The following PTPRD variants were observed in gnomAD, a reference collection of about 807,000 sequenced individuals.
PTPRD encodes receptor-type tyrosine-protein phosphatase delta.
PTPRD carries 34 observed loss-of-function variants against 214.5 expected under a neutral mutation model. The ratio of observed to expected loss-of-function variants is 0.16; its 90% CI spans 0.12 to 0.21. PTPRD has a LOEUF of 0.21. Among genes scored for constraint, PTPRD ranks in the 10% least tolerant of loss-of-function variants. PTPRD has a pLI of 1.00. For missense variants in PTPRD, 2,545 were observed against 2,398.7 expected (o/e 1.06, Z -1.27); for synonymous variants, 1,128 against 845.7 (o/e 1.33, Z -5.79).
At chr9:8,710,597 C>A (rs966542012) in intron 12 of PTPRD, among the ~76,000 whole-genome samples, 11 of 152,074 alleles carry the variant, frequency 7.2e-5, no homozygotes, top group African/African-American at 2.4e-4. Context: ...GTCTGGGTGA[C>A]AGAGTGAGAC....
At chr9:8,529,008 G>T (rs994607606) in intron 14 of PTPRD, among the ~76,000 whole-genome samples, 3 of 152,088 alleles carry the variant, frequency 2.0e-5, no homozygotes, top group Admixed American at 2.0e-4. Context: ...GGCCGACTAT[G>T]ATGAGGGGAT....
At chr9:9,117,444 G>C (rs1008782780) in intron 10 of PTPRD, among the ~76,000 whole-genome samples, 1 of 152,000 alleles carries the variant, frequency 6.6e-6, no homozygotes, top group African/African-American at 2.4e-5. Flanking sequence ...ACATGAAATG[G>C]TGATACCCCA....
At chr9:10,235,037 A>G (rs184177427) in intron 3 of PTPRD, among the ~76,000 whole-genome samples, 29 of 151,968 alleles carry the variant, frequency 1.9e-4, no homozygotes, top group Admixed American at 1.4e-3. Flanking sequence ...CTTAATCATT[A>G]CACAATATTA....
At chr9:9,865,588 A>G (rs555453272) in intron 5 of PTPRD, among the ~76,000 whole-genome samples, 2 of 152,292 alleles carry the variant, frequency 1.3e-5, no homozygotes, top group African/African-American at 4.8e-5. Flanking sequence ...CCTTTTCTTT[A>G]TAAGTCACCC....
intron 11 of PTPRD, among the ~76,000 whole-genome samples, chr9:8,740,901 A>C (rs1028206021): frequency 6.6e-6 from 1 of 152,200 alleles, no homozygotes; most frequent in Non-Finnish European, 1.5e-5. Flanking sequence ...ACTGAATTTT[A>C]AGAATACCCG....
chr9:8,388,832 T>G (rs2088248649), intron 37 of PTPRD, among the ~76,000 whole-genome samples: 1 of 152,176 alleles, frequency 6.6e-6, no homozygotes, highest in South Asian at 2.1e-4. Flanking sequence ...ATGCTGCAGA[T>G]TTTAAGAAAG....
At chr9:9,459,998 C>T (rs1487770154) in intron 8 of PTPRD, among the ~76,000 whole-genome samples, 3 of 151,976 alleles carry the variant, frequency 2.0e-5, no homozygotes, top group Non-Finnish European at 4.4e-5. Context: ...AAAATAGACA[C>T]ATCGATCAAC....
intron 4 of PTPRD, among the ~76,000 whole-genome samples, chr9:10,015,459 G>A (rs953748310): frequency 3.9e-5 from 6 of 152,064 alleles, no homozygotes; most frequent in African/African-American, 1.4e-4. Context: ...GAAACCCTTT[G>A]GGAACAATTA....
intron 2 of PTPRD, among the ~76,000 whole-genome samples, chr9:10,396,081 G>C (rs1340354391): frequency 1.3e-5 from 2 of 151,818 alleles, no homozygotes; most frequent in African/African-American, 2.4e-5. Context: ...TCCTTCGTGA[G>C]CCTGAATGCA....
At chr9:8,400,726 T>G (rs1015122676) in intron 36 of PTPRD, among the ~76,000 whole-genome samples, 4 of 152,194 alleles carry the variant, frequency 2.6e-5, no homozygotes, top group Admixed American at 6.5e-5. Flanking sequence ...ATTTATATTC[T>G]GTGTGACTGT....
At chr9:9,858,196 G>A (rs778172365) in intron 5 of PTPRD, among the ~76,000 whole-genome samples, 4 of 152,094 alleles carry the variant, frequency 2.6e-5, no homozygotes, top group Non-Finnish European at 4.4e-5. Context: ...TTAAAATACG[G>A]ATTATTTCAT....
intron 5 of PTPRD, among the ~76,000 whole-genome samples, chr9:9,890,834 A>T (rs1485538349): frequency 6.6e-6 from 1 of 152,058 alleles, no homozygotes; most frequent in Non-Finnish European, 1.5e-5. Flanking sequence ...CCTCTTAAAC[A>T]CTATATCCTT....
intron 2 of PTPRD, among the ~76,000 whole-genome samples, chr9:10,573,979 C>A (rs566049784): frequency 9.2e-5 from 14 of 151,978 alleles, no homozygotes; most frequent in Non-Finnish European, 1.5e-4. Flanking sequence ...GACAGTGAAG[C>A]AGGATGGAAG....
intron 2 of PTPRD, among the ~76,000 whole-genome samples, chr9:10,470,127 C>T (rs1279369939): frequency 6.6e-6 from 1 of 151,732 alleles, no homozygotes; most frequent in Non-Finnish European, 1.5e-5. Flanking sequence ...TGGAATAGTC[C>T]CAACACAAAC....
intron 26 of PTPRD, among the ~76,000 whole-genome samples, chr9:8,494,215 G>C (rs780996475): frequency 5.3e-5 from 8 of 152,056 alleles, no homozygotes; most frequent in Non-Finnish European, 1.0e-4. Context: ...GGCTGTAACA[G>C]ATACCGTAGA....
chr9:9,360,604 G>C (rs1406935848), intron 9 of PTPRD, among the ~76,000 whole-genome samples: 1 of 150,996 alleles, frequency 6.6e-6, no homozygotes, highest in Non-Finnish European at 1.5e-5. Context: ...TGTGAATTAA[G>C]TATAAAGAAA....
At chr9:10,551,587 T>C (rs1341429947) in intron 2 of PTPRD, among the ~76,000 whole-genome samples, 1 of 152,150 alleles carries the variant, frequency 6.6e-6, no homozygotes, top group African/African-American at 2.4e-5. Flanking sequence ...TCCACATGCA[T>C]TAAGTCTATA....
rs1849633366 is a variant in PTPRD at position 8,338,891 on chromosome 9, T to C, written c.5379+31A>G. 8.0e-6 allele frequency: 12 copies of C among 1,502,082 alleles called. No homozygotes were observed. The East Asian group carries it at 1.7e-4, about 21-fold the overall frequency. The allele number at this position is 1,502,082 out of a possible 1,614,324, so 93.0% of individuals were successfully genotyped here. A position where few individuals can be genotyped will look rare whatever the true frequency, so the allele number is the denominator to read the frequency against. On this transcript the variant is annotated intron_variant, in intron 43 of 45. Coordinates refer to ENST00000381196, the MANE Select transcript of PTPRD (RefSeq NM_002839.4). ...GTATCTTAGACTACTTTTCAGCTAA[T>C]GGTTAAGAGTTGAAGACTGTGCCAA...
At chr9:10,125,501 T>A (rs1457507053) in intron 3 of PTPRD, among the ~76,000 whole-genome samples, 1 of 149,472 alleles carries the variant, frequency 6.7e-6, no homozygotes, top group Non-Finnish European at 1.5e-5. Context: ...GTTCCCCAGG[T>A]TGTAGTGCAG....
Sources: gnomAD v4.1 joint callset for allele counts (sites outside exome capture counted in the v4.1 genomes callset) on GRCh38, gnomAD v4.1.1 for gene constraint, MANE v1.5 for transcripts, NCBI Gene and HGNC (gene_info 2026-07-23, HGNC 2026-07-21) for gene names.